The following MAPK6 variants were observed in gnomAD, a reference collection of about 807,000 sequenced individuals.
MAPK6 encodes the protein mitogen-activated protein kinase 6.
Under a neutral mutation model 59.3 loss-of-function variants are expected in MAPK6, and 19 were observed. The observed-to-expected ratio is 0.32, with a 90% CI of 0.22 to 0.47. The LOEUF is 0.47. MAPK6 is among the 20% of genes least tolerant of loss of function. The probability of loss-of-function intolerance (pLI) is 1.00; values close to 1 mark genes in which losing one functional copy is unlikely to be tolerated. For missense variants in MAPK6, 724 were observed against 847.9 expected (o/e 0.85, Z 1.81); for synonymous variants, 316 against 290.3 (o/e 1.09, Z -0.90).
intron 2 of MAPK6, among the ~76,000 whole-genome samples, chr15:51,992,305 ATTT>A (rs61396800): frequency 1.6e-3 from 165 of 101,444 alleles, no homozygotes; most frequent in African/African-American, 5.5e-3. Context: ...ATATATATAT[ATTT>A]TTTTTTTTTT....
At chr15:52,039,505 T>C (rs1019757311) in intron 1 of MAPK6, among the ~76,000 whole-genome samples, 35 of 145,202 alleles carry the variant, frequency 2.4e-4, no homozygotes, top group Admixed American at 8.6e-4. Flanking sequence ...GGTGAGTGTT[T>C]TGTCTTTTTT....
At chr15:51,980,404 C>A (rs1288469919) in intron 1 of MAPK6, among the ~76,000 whole-genome samples, 1 of 150,384 alleles carries the variant, frequency 6.6e-6, no homozygotes, top group Non-Finnish European at 1.5e-5. Flanking sequence ...CTAGGGTTTC[C>A]ACAATGAACA....
At position 52,046,459 on chromosome 15, in the gene MAPK6, A is replaced by G; in HGVS notation, c.-2A>G. 1.3e-6 allele frequency: 2 copies of G among 1,592,210 alleles called. No individual in the cohort carries two copies. The highest frequency in any genetic ancestry group is 1.1e-5 in the South Asian group (1 of 87,374). On this transcript the variant is annotated 5_prime_UTR_variant, in exon 2 of 6. Coordinates refer to ENST00000261845, the MANE Select transcript of MAPK6 (RefSeq NM_002748.4). ...GGAAAAGGCAATAGTAAGGGTTTCA[A>G]AATGGCAGAGAAATTTGAAAGTCTC...
chr15:52,026,069 G>A (rs114024887), intron 1 of MAPK6, among the ~76,000 whole-genome samples: 2 of 152,298 alleles, frequency 1.3e-5, no homozygotes, highest in African/African-American at 4.8e-5. Flanking sequence ...AAGCAAGTCA[G>A]TTTCTTTCCA....
In MAPK6 at chr15:52,064,811, A is replaced by G. The variant is rs1478197585; in HGVS notation, c.1977A>G (p.Glu659=). The G allele has an allele frequency of 6.2e-7, 1 of 1,611,870 alleles. No individual in the cohort carries two copies. The highest frequency in any genetic ancestry group is 1.3e-5 in the African/African-American group (1 of 74,868). ...AGCTTGGGGAGAGAGGACATGAGGA[A>G]GGATTTCTGAACAACAGTGGGGAGT... is the stretch of plus-strand genomic sequence containing the variant. The part of the protein sequence containing the change: ...DGKLGERGHE[E]GFLNNSGEFL... Residue 659 remains glutamate (E), a synonymous_variant, in exon 6 of 6, where the codon GAA becomes GAG. Coordinates refer to ENST00000261845, the MANE Select transcript of MAPK6 (RefSeq NM_002748.4).
At chr15:52,041,623 C>T (rs1017439313) in intron 1 of MAPK6, among the ~76,000 whole-genome samples, 2 of 152,190 alleles carry the variant, frequency 1.3e-5, no homozygotes, top group African/African-American at 4.8e-5. Flanking sequence ...ATGCTTTAGT[C>T]AGGCCAAGGA....
At chr15:51,990,276 T>C (rs1052037863) in intron 2 of MAPK6, among the ~76,000 whole-genome samples, 1 of 152,212 alleles carries the variant, frequency 6.6e-6, no homozygotes, top group Non-Finnish European at 1.5e-5. Context: ...AGATTTTCGA[T>C]AATGCCCAAC....
At chr15:52,063,841 C>T (rs1281164956) in intron 5 of MAPK6, 61 bp from the exon 6 acceptor site, 16 of 1,419,148 alleles carry the variant, frequency 1.1e-5, no homozygotes, top group African/African-American at 2.9e-5. Flanking sequence ...AGAAGGTACT[C>T]GGTGAATTTG....
At chr15:52,061,588 CATTGT>C in intron 5 of MAPK6, 88 bp downstream of exon 5, 3 of 1,002,416 alleles carry the variant, frequency 3.0e-6, no homozygotes, top group Non-Finnish European at 4.4e-6. Context: ...ATGTATAAGA[CATTGT>C]AGAAGTCTTA....
chr15:51,988,081 A>G (rs2057196778), intron 2 of MAPK6, among the ~76,000 whole-genome samples: 1 of 152,126 alleles, frequency 6.6e-6, no homozygotes, highest in East Asian at 1.9e-4. Flanking sequence ...TGTTTCCCAA[A>G]TAATTTACAG....
At chr15:52,015,930 C>G (rs1566899674), upstream of MAPK6, among the ~76,000 whole-genome samples, 4 of 148,938 alleles carry the variant, frequency 2.7e-5, no homozygotes, top group African/African-American at 4.9e-5. Flanking sequence ...TGGTGGCGCG[C>G]CCTGTAATCC....
chr15:51,987,799 C>G (rs980041471), intron 2 of MAPK6, among the ~76,000 whole-genome samples: 2 of 131,064 alleles, frequency 1.5e-5, no homozygotes, highest in African/African-American at 6.0e-5. Flanking sequence ...GAGTTTCACT[C>G]TTACCACCCA....
intron 1 of MAPK6, among the ~76,000 whole-genome samples, chr15:51,982,416 A>G (rs141284327): frequency 5.3e-5 from 8 of 152,348 alleles, no homozygotes; most frequent in African/African-American, 1.9e-4. Context: ...TAACATCCTT[A>G]ACAGTAATAT....
intron 1 of MAPK6, among the ~76,000 whole-genome samples, chr15:52,042,025 A>C (rs1161910035): frequency 6.6e-6 from 1 of 152,226 alleles, no homozygotes; most frequent in African/African-American, 2.4e-5. Flanking sequence ...AATACTTATC[A>C]AATACCAAAT....
intron 1 of MAPK6, among the ~76,000 whole-genome samples, chr15:52,021,184 T>G (rs749933806): frequency 6.6e-6 from 1 of 152,362 alleles, no homozygotes; most frequent in South Asian, 2.1e-4. Context: ...AGTGTTGCAG[T>G]GCTTTACATA....
intron 3 of MAPK6, among the ~76,000 whole-genome samples, chr15:52,057,828 ACT>A (rs1298578261): frequency 8.6e-5 from 13 of 152,022 alleles, no homozygotes; most frequent in African/African-American, 2.4e-4. Context: ...CCCTTAGCTT[ACT>A]CTCTTTTTCT....
intron 3 of MAPK6, among the ~76,000 whole-genome samples, chr15:52,055,140 G>A (rs1054557797): frequency 1.3e-5 from 2 of 152,190 alleles, no homozygotes; most frequent in Non-Finnish European, 1.5e-5. Context: ...AGGTGTGGTG[G>A]CTAATACATG....
At chr15:52,051,167 C>T (rs2031765462) in intron 3 of MAPK6, among the ~76,000 whole-genome samples, 2 of 152,132 alleles carry the variant, frequency 1.3e-5, no homozygotes, top group African/African-American at 4.8e-5. Context: ...ACACCATTCT[C>T]CTGCCTCAGC....
Position 52,058,791 on chromosome 15 carries a change from C to T in MAPK6, c.859C>T (p.Arg287Ter), listed in dbSNP as rs374976142. ...PLTQLLPGIS[R>*]EALDFLEQIL... Reference sequence around the variant, plus strand: ...AACTCAGCTGCTTCCAGGAATTAGTCGAGAAGGTATTGTGACTCGAGAGTA... The same window carrying T: ...AACTCAGCTGCTTCCAGGAATTAGTTGAGAAGGTATTGTGACTCGAGAGTA... Residue 287 changes from arginine (R) to a stop codon, truncating the protein, a stop_gained, in exon 4 of 6, where the codon CGA becomes TGA. Coordinates refer to ENST00000261845, the MANE Select transcript of MAPK6 (RefSeq NM_002748.4). LOFTEE classifies it high-confidence loss of function. 2 of 1,609,970 alleles carry T rather than the reference C, an allele frequency of 1.2e-6. No individual in the cohort carries two copies. The highest frequency in any genetic ancestry group is 1.7e-6 in the Non-Finnish European group (2 of 1,177,626).
Sources: allele counts gnomAD v4.1 joint callset (sites outside exome capture counted in the v4.1 genomes callset), GRCh38; gene constraint gnomAD v4.1.1; transcripts MANE v1.5; gene names NCBI Gene and HGNC (gene_info 2026-07-23, HGNC 2026-07-21).